The following SLC4A4 variants were observed in gnomAD, a reference collection of about 807,000 sequenced individuals.
The protein encoded by SLC4A4 is electrogenic sodium bicarbonate cotransporter 1.
In SLC4A4, 27 loss-of-function variants were observed where a neutral mutation model predicts 111.5. The ratio of observed to expected loss-of-function variants is 0.24; its 90% CI spans 0.18 to 0.33. The LOEUF is 0.33. Ranked by LOEUF, SLC4A4 falls within the 10% of genes least tolerant of loss-of-function variation. The pLI is 1.00. For missense variants in SLC4A4, 909 were observed against 1,315.5 expected (o/e 0.69, Z 4.78); for synonymous variants, 443 against 463.4 (o/e 0.96, Z 0.57).
At chr4:71,542,161 T>A (rs1219500999) in intron 18 of SLC4A4, among the ~76,000 whole-genome samples, 1 of 152,166 alleles carries the variant, frequency 6.6e-6, no homozygotes, top group African/African-American at 2.4e-5. Flanking sequence ...CAGAGTTTAA[T>A]GTTTGTCGGA....
intron 3 of SLC4A4, among the ~76,000 whole-genome samples, chr4:71,286,285 A>T (rs917411842): frequency 1.3e-5 from 2 of 152,226 alleles, no homozygotes; most frequent in Admixed American, 1.3e-4. Flanking sequence ...AAGATTTTGC[A>T]TAAGTAAATT....
intron 2 of SLC4A4, among the ~76,000 whole-genome samples, chr4:71,094,116 A>T (rs970046756): frequency 2.6e-5 from 4 of 152,198 alleles, no homozygotes; most frequent in Admixed American, 2.6e-4. Context: ...GATTTCCCTT[A>T]TGAATTTCTG....
chr4:71,125,869 G>T (rs1483956088), intron 2 of SLC4A4, among the ~76,000 whole-genome samples: 2 of 152,130 alleles, frequency 1.3e-5, no homozygotes, highest in Non-Finnish European at 2.9e-5. Flanking sequence ...TTTAGAATAA[G>T]AAATCACAAC....
intron 1 of SLC4A4, among the ~76,000 whole-genome samples, chr4:71,230,876 C>G (rs1481598983): frequency 6.6e-6 from 1 of 152,206 alleles, no homozygotes; most frequent in African/African-American, 2.4e-5. Flanking sequence ...CTCAGTACCG[C>G]AGTCGCTTTC....
intron 2 of SLC4A4, among the ~76,000 whole-genome samples, chr4:71,107,389 C>T (rs1742961149): frequency 6.6e-6 from 1 of 152,034 alleles, no homozygotes; most frequent in Non-Finnish European, 1.5e-5. Context: ...CTCTGTCAAC[C>T]AGGCTGGAGT....
chr4:71,494,495 A>G (rs1263818805), intron 15 of SLC4A4, among the ~76,000 whole-genome samples: 1 of 150,616 alleles, frequency 6.6e-6, no homozygotes, highest in Non-Finnish European at 1.5e-5. Flanking sequence ...AAAAAAAAAT[A>G]ATGGAGATGA....
At chr4:71,153,052 T>A (rs1040238623) in intron 2 of SLC4A4, among the ~76,000 whole-genome samples, 24 of 147,368 alleles carry the variant, frequency 1.6e-4, no homozygotes, top group South Asian at 1.1e-3. Flanking sequence ...TATATATATA[T>A]AAAAATAAAA....
intron 3 of SLC4A4, among the ~76,000 whole-genome samples, chr4:71,330,169 C>G (rs1395368361): frequency 6.6e-6 from 1 of 152,076 alleles, no homozygotes; most frequent in Non-Finnish European, 1.5e-5. Context: ...TTCACTTGGT[C>G]ATGATGAATG....
intron 6 of SLC4A4, among the ~76,000 whole-genome samples, chr4:71,363,937 C>T (rs940464390): frequency 6.6e-6 from 1 of 152,184 alleles, no homozygotes; most frequent in Non-Finnish European, 1.5e-5. Flanking sequence ...GTATTTCTAA[C>T]TCATTCATCA....
intron 6 of SLC4A4, among the ~76,000 whole-genome samples, chr4:71,370,054 A>G (rs1000606549): frequency 6.6e-6 from 1 of 152,238 alleles, no homozygotes; most frequent in African/African-American, 2.4e-5. Context: ...ATATATCCAT[A>G]AAATAGAAAC....
At chr4:71,216,465 C>T (rs139560956) in intron 1 of SLC4A4, among the ~76,000 whole-genome samples, 12 of 152,330 alleles carry the variant, frequency 7.9e-5, no homozygotes, top group African/African-American at 2.9e-4. Flanking sequence ...TTCCATGCCT[C>T]AGCCATGTGC....
chr4:71,223,847 C>T (rs946802694), intron 1 of SLC4A4, among the ~76,000 whole-genome samples: 22 of 152,148 alleles, frequency 1.4e-4, no homozygotes, highest in East Asian at 1.9e-4. Context: ...CTTCACTGCC[C>T]GCTTCTGTTC....
chr4:71,466,353 T>A, intron 12 of SLC4A4, 91 bp from the exon 13 acceptor site: 1 of 1,416,318 alleles, frequency 7.1e-7, no homozygotes, highest in Non-Finnish European at 1.0e-6. Context: ...CTCCTAATAG[T>A]ATATTCACGT....
chr4:71,467,114 T>G (rs1230386224), intron 13 of SLC4A4, among the ~76,000 whole-genome samples: 2 of 152,056 alleles, frequency 1.3e-5, no homozygotes, highest in Non-Finnish European at 2.9e-5. Context: ...CAGGCTCTGG[T>G]AGCTCTATTC....
At position 71,268,075 on chromosome 4, in the gene SLC4A4, G is replaced by GTTTTTTTTTTT. The variant is rs10657146; in HGVS notation, c.253+12688_253+12698dup. Among the ~76,000 whole-genome samples the GTTTTTTTTTTT allele has an allele frequency of 1.9e-4, 17 of 87,582 alleles. 2 individuals are homozygous for GTTTTTTTTTTT. Among genetic ancestry groups the GTTTTTTTTTTT allele is most frequent in the South Asian group, 1.5e-3 (3 of 1,988 alleles). 57.5% of individuals were successfully genotyped at this position (87,582 alleles called of 152,430 possible). ...ATATCAGTGTGCCAAATAAAGTAGT[G>GTTTTTTTTTTT]TTTTTTTTTTTTTTTTTTTTTTGCC... On this transcript the variant is annotated intron_variant, in intron 3 of 25. Transcript: ENST00000264485.
intron 16 of SLC4A4, among the ~76,000 whole-genome samples, chr4:71,501,433 A>G (rs1398038757): frequency 1.3e-5 from 2 of 151,884 alleles, no homozygotes; most frequent in African/African-American, 2.4e-5. Context: ...ATATGTGTCT[A>G]GGAATTTACC....
At chr4:71,479,641 G>T (rs910037231) in intron 14 of SLC4A4, among the ~76,000 whole-genome samples, 1 of 151,660 alleles carries the variant, frequency 6.6e-6, no homozygotes, top group Non-Finnish European at 1.5e-5. Context: ...TTATGAGGTA[G>T]GTTTAAATCA....
chr4:71,216,861 C>T (rs1170961900), intron 1 of SLC4A4, among the ~76,000 whole-genome samples: 8 of 152,176 alleles, frequency 5.3e-5, no homozygotes, highest in Non-Finnish European at 1.2e-4. Context: ...ATACTAGCTA[C>T]GTGCCTTGTC....
At chr4:71,421,533 A>AT (rs996743755) in intron 7 of SLC4A4, among the ~76,000 whole-genome samples, 42 of 152,078 alleles carry the variant, frequency 2.8e-4, no homozygotes, top group Non-Finnish European at 4.6e-4. Flanking sequence ...CAGAATATAC[A>AT]TTTTTTTCAG....
Sources: gnomAD v4.1 joint callset for allele counts (sites outside exome capture counted in the v4.1 genomes callset) on GRCh38, gnomAD v4.1.1 for gene constraint, MANE v1.5 for transcripts, NCBI Gene and HGNC (gene_info 2026-07-23, HGNC 2026-07-21) for gene names.